Variants in RNF43 observed in about 807,000 individuals in gnomAD.
The protein encoded by RNF43 is E3 ubiquitin-protein ligase RNF43.
A neutral mutation model predicts 78.4 loss-of-function variants in RNF43; 37 were observed. That is an observed-to-expected ratio of 0.47 (90% confidence interval 0.36 to 0.62). The LOEUF is 0.62. Among genes scored for constraint, RNF43 ranks in the 20% least tolerant of loss-of-function variants. The pLI is 0.00. For missense variants in RNF43, 774 were observed against 1,007.9 expected, an observed-to-expected ratio of 0.77 and a Z score of 3.14; for synonymous variants, 347 against 395.0, an observed-to-expected ratio of 0.88 and a Z score of 1.44.
rs34464652 is a variant in RNF43, at chr17:58,357,722, G to T, written c.2054C>A (p.Thr685Asn). 7.5e-5 allele frequency: 121 copies of T among 1,611,948 alleles called. No individual in the cohort carries two copies. In the African/African-American group the frequency reaches 1.2e-3, roughly 15 times the overall value. ...GGACCAAGGATATGCCACACTGGGG[G>T]TGTAATGGGGAAAAATCTGGCAAGC... Reference protein sequence around the residue: ...HPACQIFPHYTPSVAYPWSPE... With the variant: ...HPACQIFPHYNPSVAYPWSPE... The change falls in exon 9 of 10, where the codon ACC becomes AAC. Residue 685 changes from threonine to asparagine, a missense_variant. Transcript: ENST00000407977. The surrounding 1 kb of genome is among the most constrained non-coding windows in gnomAD (Gnocchi z 4.5).
chr17:58,388,365 A>G (rs1246633932), intron 2 of RNF43, among the ~76,000 whole-genome samples: 1 of 152,296 alleles, frequency 6.6e-6, no homozygotes, highest in East Asian at 1.9e-4. Flanking sequence ...CAGCTGCTAC[A>G]GTTTCCCCCA....
chr17:58,386,828 T>A (rs1487883564), intron 2 of RNF43, among the ~76,000 whole-genome samples: 8 of 152,110 alleles, frequency 5.3e-5, no homozygotes, highest in African/African-American at 9.7e-5. Flanking sequence ...CTTTTTTTTT[T>A]AATAAACAGA....
intron 3 of RNF43, among the ~76,000 whole-genome samples, chr17:58,365,897 A>T (rs1972939627): frequency 6.6e-6 from 1 of 152,182 alleles, no homozygotes; most frequent in South Asian, 2.1e-4. Flanking sequence ...AGCCTCTAGC[A>T]ACAGGAGCCA....
intron 9 of RNF43, among the ~76,000 whole-genome samples, chr17:58,356,109 C>A (rs188165901): frequency 6.6e-6 from 1 of 152,196 alleles, no homozygotes; most frequent in African/African-American, 2.4e-5. Flanking sequence ...AAACACATAG[C>A]CAAAGCTTGC....
intron 2 of RNF43, among the ~76,000 whole-genome samples, chr17:58,411,170 A>T (rs1158657227): frequency 6.6e-6 from 1 of 152,226 alleles, no homozygotes; most frequent in Non-Finnish European, 1.5e-5. Flanking sequence ...AAATAGCACA[A>T]GTTTGGCAAT....
intron 2 of RNF43, among the ~76,000 whole-genome samples, chr17:58,387,639 G>A (rs1037803434): frequency 2.0e-5 from 3 of 151,212 alleles, no homozygotes; most frequent in East Asian, 1.9e-4. Context: ...CAGCCTGGGC[G>A]ACAGAGAGAG....
rs773679236 is a variant in RNF43, at chr17:58,371,037, CAGAG to C, written c.253-8_253-5del. On this transcript the variant is annotated splice_polypyrimidine_tract_variant and splice_region_variant and intron_variant, in intron 2 of 9. Transcript: ENST00000407977. The stretch of plus-strand genomic sequence containing the variant: ...TGCACAGGTACAGCGGGTGGGACTG[CAGAG>C]AGAGACAGACTTGGGTTAGGGAGGC... The C allele has an allele frequency of 6.4e-7, 1 of 1,570,060 alleles. No individual in the cohort carries two copies. The highest frequency in any genetic ancestry group is 8.7e-7 in the Non-Finnish European group (1 of 1,153,734).
intron 2 of RNF43, among the ~76,000 whole-genome samples, chr17:58,403,120 C>T (rs1207222586): frequency 1.3e-5 from 2 of 152,088 alleles, no homozygotes; most frequent in East Asian, 3.8e-4. Context: ...CCTCAAGAAC[C>T]AAACATACAT....
At chr17:58,402,038 G>GT (rs1973811522) in intron 2 of RNF43, among the ~76,000 whole-genome samples, 1 of 152,144 alleles carries the variant, frequency 6.6e-6, no homozygotes, top group African/African-American at 2.4e-5. Context: ...ACTACAGCAT[G>GT]TTTGTTCAGA....
chr17:58,401,087 T>C (rs897769637), intron 2 of RNF43, among the ~76,000 whole-genome samples: 1 of 152,156 alleles, frequency 6.6e-6, no homozygotes, highest in Non-Finnish European at 1.5e-5. Context: ...TTCAGAGATA[T>C]GTTCCTGATC....
At chr17:58,407,069 A>ATTTTTT (rs35270032) in intron 2 of RNF43, among the ~76,000 whole-genome samples, 2 of 74,180 alleles carry the variant, frequency 2.7e-5, no homozygotes, top group Non-Finnish European at 4.8e-5. Flanking sequence ...AGAGACCAGA[A>ATTTTTT]TTTTTTTTTT....
At chr17:58,406,470 C>T (rs1004208617) in intron 2 of RNF43, among the ~76,000 whole-genome samples, 12 of 152,094 alleles carry the variant, frequency 7.9e-5, no homozygotes, top group Non-Finnish European at 1.5e-4. Context: ...ATGGAATATT[C>T]TGCCACTTTT....
At chr17:58,409,199 C>T (rs551423303) in intron 2 of RNF43, among the ~76,000 whole-genome samples, 2 of 152,290 alleles carry the variant, frequency 1.3e-5, no homozygotes, top group South Asian at 4.1e-4. Flanking sequence ...TACTTTCTTT[C>T]TCTTTCCCAA....
At chr17:58,380,454 T>G (rs536446142) in intron 2 of RNF43, among the ~76,000 whole-genome samples, 1 of 152,348 alleles carries the variant, frequency 6.6e-6, no homozygotes, top group African/African-American at 2.4e-5. Context: ...AATGTGCTAC[T>G]TGCAAACAGC....
At chr17:58,377,682 A>G (rs1000165279) in intron 2 of RNF43, among the ~76,000 whole-genome samples, 1 of 16,880 alleles carries the variant, frequency 5.9e-5, no homozygotes, top group Non-Finnish European at 1.3e-4. Flanking sequence ...CCACCCACCC[A>G]CCCCCTCCTG....
intron 3 of RNF43, among the ~76,000 whole-genome samples, chr17:58,365,735 G>GA (rs1972934325): frequency 6.6e-6 from 1 of 152,082 alleles, no homozygotes; most frequent in African/African-American, 2.4e-5. Context: ...AGGCAAAAAG[G>GA]AAAAAAGTAC....
chr17:58,361,526 G>A (rs1972834082), intron 6 of RNF43, among the ~76,000 whole-genome samples: 1 of 152,150 alleles, frequency 6.6e-6, no homozygotes, highest in African/African-American at 2.4e-5. Context: ...CCTCTTAGAT[G>A]GTTTCTCTGT....
chr17:58,384,319 A>C (rs1973386340), intron 2 of RNF43, among the ~76,000 whole-genome samples: 1 of 152,182 alleles, frequency 6.6e-6, no homozygotes. Context: ...GGGTAAGGGA[A>C]GTACTTAGAG....
intron 2 of RNF43, among the ~76,000 whole-genome samples, chr17:58,399,466 C>T (rs539329593): frequency 3.3e-5 from 5 of 152,204 alleles, no homozygotes; most frequent in East Asian, 3.9e-4. Flanking sequence ...GCTATAGAAT[C>T]GTATCTGCTG....
Sources: gnomAD v4.1 joint callset for allele counts (sites outside exome capture counted in the v4.1 genomes callset) on GRCh38, gnomAD v4.1.1 for gene constraint, Gnocchi (gnomAD v3.1) non-coding constraint, MANE v1.5 for transcripts, NCBI Gene and HGNC (gene_info 2026-07-23, HGNC 2026-07-21) for gene names.